Variants in CRYM observed in about 807,000 individuals in gnomAD.
CRYM encodes the protein ketimine reductase mu-crystallin.
A neutral mutation model predicts 32.9 loss-of-function variants in CRYM; 18 were observed. The observed-to-expected ratio is 0.55, with a 90% CI of 0.38 to 0.81. The LOEUF (loss-of-function observed/expected upper bound fraction) is 0.81, where lower values mean the gene tolerates loss of function less well. Among genes scored for constraint, CRYM ranks in the 30% least tolerant of loss-of-function variants. CRYM has a pLI of 0.00. For missense variants in CRYM, 337 were observed against 393.5 expected (o/e 0.86, Z 1.21); for synonymous variants, 153 against 152.4 (o/e 1.00, Z -0.03).
chr16:21,272,310 T>A (rs1369844427), intron 3 of CRYM, among the ~76,000 whole-genome samples: 1 of 152,196 alleles, frequency 6.6e-6, no homozygotes. Context: ...TCATTTGCAT[T>A]TGCCAAGGCC....
intron 1 of CRYM, among the ~76,000 whole-genome samples, chr16:21,290,024 G>T (rs973662254): frequency 1.4e-5 from 2 of 147,966 alleles, no homozygotes. Context: ...TCAGCACTCT[G>T]TAAAATGGAC....
chr16:21,290,237 T>G (rs1183775741), intron 1 of CRYM, among the ~76,000 whole-genome samples: 1 of 152,206 alleles, frequency 6.6e-6, no homozygotes, highest in African/African-American at 2.4e-5. Context: ...GGGTCCACAC[T>G]ACCTTTGTGA....
chr16:21,296,528 C>T (rs976724295), intron 1 of CRYM, among the ~76,000 whole-genome samples: 1 of 152,136 alleles, frequency 6.6e-6, no homozygotes, highest in African/African-American at 2.4e-5. Flanking sequence ...AACCAGTATA[C>T]CTGAAAAAAC....
At chr16:21,301,987 A>G (rs572889718) in intron 1 of CRYM, among the ~76,000 whole-genome samples, 1 of 152,324 alleles carries the variant, frequency 6.6e-6, no homozygotes, top group Admixed American at 6.5e-5. Flanking sequence ...GCTAGCCGCG[A>G]TGGGCGCGCA....
chr16:21,284,395 G>A (rs944532979), intron 1 of CRYM, among the ~76,000 whole-genome samples: 8 of 151,838 alleles, frequency 5.3e-5, no homozygotes, highest in Non-Finnish European at 1.0e-4. Flanking sequence ...GTATATTCAC[G>A]ATGTTGTGCG....
chr16:21,295,528 G>A (rs1169861296), intron 1 of CRYM, among the ~76,000 whole-genome samples: 1 of 152,076 alleles, frequency 6.6e-6, no homozygotes, highest in African/African-American at 2.4e-5. Context: ...TTTGGAATAG[G>A]TAGTTCTTTT....
intron 5 of CRYM, among the ~76,000 whole-genome samples, chr16:21,263,707 C>T (rs2093358776): frequency 6.6e-6 from 1 of 152,220 alleles, no homozygotes; most frequent in Non-Finnish European, 1.5e-5. Context: ...CCCCCTGGCA[C>T]CAGGACACAG....
chr16:21,258,625 TA>T lies in CRYM; in HGVS notation c.*155del, dbSNP rs1445308997. ...TGGCTACCTAGCTTTGCTTTCCAAC[TA>T]CAAACATAAATGAGGATCTCAGCAT... On this transcript the variant is annotated 3_prime_UTR_variant, in exon 8 of 8. Transcript: ENST00000572914. 6.9e-6 allele frequency: 5 copies of T among 719,510 alleles called. No individual in the cohort carries two copies. The highest frequency in any genetic ancestry group is 9.9e-6 in the Non-Finnish European group (4 of 405,518). 44.6% of individuals were successfully genotyped at this position (719,510 alleles called of 1,614,324 possible).
intron 4 of CRYM, 71 bp from the exon 5 acceptor site, chr16:21,267,808 T>C (rs1003083203): frequency 1.3e-6 from 2 of 1,510,492 alleles, no homozygotes; most frequent in Non-Finnish European, 1.8e-6. Context: ...AGCCCAGGGA[T>C]GCGGAGGGAA....
chr16:21,278,100 G>C lies in CRYM; in HGVS notation c.152C>G (p.Pro51Arg), dbSNP rs780539363. 5.8e-6 allele frequency: 9 copies of C among 1,546,606 alleles called. No homozygotes were observed. Among genetic ancestry groups the C allele is most frequent in the East Asian group, 4.9e-5 (2 of 40,888 alleles). Residue 51 changes from proline to arginine, a missense_variant, in exon 1 of 8, where the codon CCG (proline) becomes CGG (arginine). Pro to Arg is a moderately radical substitution (Grantham distance 103, BLOSUM62 -2). Transcript: ENST00000572914. Reference sequence around the variant, plus strand: ...CACTCACCCCCTGTGCTTGGTCACCGGCACCACGGTGCGCACGGGCTGCAT... The same window carrying C: ...CACTCACCCCCTGTGCTTGGTCACCCGCACCACGGTGCGCACGGGCTGCAT... ...GVMQPVRTVV[P>R]VTKHRGYLGV... is the part of the protein sequence containing the mutation.
At chr16:21,289,735 C>T (rs932981469) in intron 1 of CRYM, among the ~76,000 whole-genome samples, 15 of 152,108 alleles carry the variant, frequency 9.9e-5, no homozygotes, top group Admixed American at 2.0e-4. Flanking sequence ...CACAGGTGCC[C>T]GGCTTTTATT....
At position 21,262,067 on chromosome 16, in the gene CRYM, C is replaced by T. The variant is rs1394817749; in HGVS notation, c.765G>A (p.Leu255=). Residue 255 remains leucine (L), a synonymous_variant, in exon 6 of 8, where the codon CTG becomes CTA. Coordinates refer to ENST00000572914, the MANE Select transcript of CRYM (RefSeq NM_001376256.1). ...VLYVDSQEAA[L]KESGDVLLSG... ...ACAGCAGGACATCTCCAGACTCCTT[C>T]AGGGCAGCCTCCTGGGAATCCACGT... 1 of 1,614,132 alleles carries T rather than the reference C, an allele frequency of 6.2e-7. No individual in the cohort carries two copies. Among genetic ancestry groups the T allele is most frequent in the South Asian group, 1.1e-5 (1 of 91,084 alleles).
At chr16:21,299,941 C>G (rs1960870633) in intron 1 of CRYM, 1 of 152,150 alleles carries the variant, frequency 6.6e-6, no homozygotes, top group Non-Finnish European at 1.5e-5. Context: ...ACCAAGGGAT[C>G]CTTAACTGCT....
At chr16:21,264,386 G>A (rs532777746) in intron 5 of CRYM, among the ~76,000 whole-genome samples, 3 of 152,274 alleles carry the variant, frequency 2.0e-5, no homozygotes, top group Admixed American at 6.5e-5. Flanking sequence ...TCACTCAGGC[G>A]GATGGAGGTG....
chr16:21,285,426 G>C (rs1396959958), intron 1 of CRYM, among the ~76,000 whole-genome samples: 2 of 152,142 alleles, frequency 1.3e-5, no homozygotes. Context: ...ATATACTGAG[G>C]CTCGTGGCCC....
At chr16:21,262,397 C>T in intron 5 of CRYM, 1 of 420,606 alleles carries the variant, frequency 2.4e-6, no homozygotes, top group South Asian at 2.0e-5. Context: ...GCAGGCAGAT[C>T]ACTTGAAGCC....
chr16:21,301,017 G>GA (rs1960908354), intron 1 of CRYM: 1 of 152,282 alleles, frequency 6.6e-6, no homozygotes, highest in Non-Finnish European at 1.5e-5. Context: ...GAAGCCGCAG[G>GA]GCTGCGCTGG....
At chr16:21,287,234 A>G (rs142460632) in intron 1 of CRYM, among the ~76,000 whole-genome samples, 1 of 152,364 alleles carries the variant, frequency 6.6e-6, no homozygotes, top group Non-Finnish European at 1.5e-5. Context: ...ACTCAAAGTG[A>G]TAATTCAAAG....
chr16:21,281,109 ACTCTCTCTCTCT>A (rs34104117), upstream of CRYM, among the ~76,000 whole-genome samples: 14 of 127,354 alleles, frequency 1.1e-4, no homozygotes, highest in South Asian at 2.1e-3. Flanking sequence ...TCTCTCTCTC[ACTCTCTCTCTCT>A]CTCTCTCTCT....
Sources: allele counts gnomAD v4.1 joint callset (sites outside exome capture counted in the v4.1 genomes callset), GRCh38; gene constraint gnomAD v4.1.1; transcripts MANE v1.5; gene names NCBI Gene and HGNC (gene_info 2026-07-23, HGNC 2026-07-21).